The following CADM1 variants were observed in gnomAD, a reference collection of about 807,000 sequenced individuals.
The protein encoded by CADM1 is TSLC-1.
A neutral mutation model predicts 53.1 loss-of-function variants in CADM1; 15 were observed. The observed-to-expected ratio is 0.28, with a 90% CI of 0.19 to 0.44. CADM1 has a LOEUF of 0.44. CADM1 is among the 20% of genes least tolerant of loss of function. The pLI is 1.00. For missense variants in CADM1, 434 were observed against 611.3 expected (o/e 0.71, Z 3.06); for synonymous variants, 281 against 243.0 (o/e 1.16, Z -1.45).
chr11:115,254,636 T>G (rs1484058927), intron 1 of CADM1, among the ~76,000 whole-genome samples: 1 of 151,092 alleles, frequency 6.6e-6, no homozygotes. Flanking sequence ...GTTACTAATA[T>G]GCTATGGGTA....
At chr11:115,262,069 G>A (rs563602776) in intron 1 of CADM1, among the ~76,000 whole-genome samples, 70 of 151,852 alleles carry the variant, frequency 4.6e-4, no homozygotes, top group Non-Finnish European at 9.4e-4. Context: ...GTGAGCCACC[G>A]AAGATATTTT....
chr11:115,212,595 CCAGA>C (rs1365019682), intron 7 of CADM1, among the ~76,000 whole-genome samples: 3 of 152,048 alleles, frequency 2.0e-5, no homozygotes, highest in Non-Finnish European at 2.9e-5. Context: ...GCACTCTGGC[CCAGA>C]CAGTTAATTC....
chr11:115,444,185 A>T (rs1948394787), intron 1 of CADM1, among the ~76,000 whole-genome samples: 1 of 152,206 alleles, frequency 6.6e-6, no homozygotes, highest in African/African-American at 2.4e-5. Context: ...AGAAAAAAGG[A>T]ATTCATTTGG....
intron 11 of CADM1, among the ~76,000 whole-genome samples, chr11:115,176,800 G>A (rs888538346): frequency 2.0e-5 from 3 of 152,170 alleles, no homozygotes; most frequent in Non-Finnish European, 2.9e-5. Context: ...GAACCGCTGC[G>A]ATATAATTCA....
chr11:115,237,531 C>T (rs1446484164), intron 3 of CADM1, among the ~76,000 whole-genome samples: 6 of 152,158 alleles, frequency 3.9e-5, no homozygotes, highest in Non-Finnish European at 7.4e-5. Context: ...ACATACCAAG[C>T]AAAAATGTCC....
chr11:115,272,333 T>C (rs1943322307), intron 1 of CADM1, among the ~76,000 whole-genome samples: 1 of 152,162 alleles, frequency 6.6e-6, no homozygotes, highest in Non-Finnish European at 1.5e-5. Context: ...TCTTGATTTT[T>C]GAGCTAAGAT....
chr11:115,481,239 G>C (rs755752903), intron 1 of CADM1, among the ~76,000 whole-genome samples: 3 of 152,082 alleles, frequency 2.0e-5, no homozygotes, highest in Non-Finnish European at 4.4e-5. Flanking sequence ...ACTCACTGCT[G>C]CACTAAAATT....
At chr11:115,221,088 T>G (rs567454467) in intron 5 of CADM1, among the ~76,000 whole-genome samples, 1 of 152,302 alleles carries the variant, frequency 6.6e-6, no homozygotes, top group Admixed American at 6.5e-5. Context: ...TCGGTTGGTG[T>G]TGTAAGGCAT....
chr11:115,449,348 G>T (rs1363554195), intron 1 of CADM1, among the ~76,000 whole-genome samples: 1 of 152,184 alleles, frequency 6.6e-6, no homozygotes, highest in Non-Finnish European at 1.5e-5. Context: ...TAGCACAGAT[G>T]CTCTCTGCTC....
At chr11:115,490,618 T>G (rs1269514908) in intron 1 of CADM1, among the ~76,000 whole-genome samples, 1 of 152,108 alleles carries the variant, frequency 6.6e-6, no homozygotes, top group African/African-American at 2.4e-5. Flanking sequence ...CAGGCCGATC[T>G]CGAACTCCTG....
Position 115,302,611 on chromosome 11 carries a change from C to T in CADM1, c.125-62191G>A, listed in dbSNP as rs562953629. On this transcript the variant is annotated intron_variant, in intron 1 of 11. Transcript: ENST00000331581. ...TTTATTTTCTCATTCTAAATAAATG[C>T]TCATTTTCTTACCTAAAAAAAGAAA... 1.5e-4 allele frequency among the ~76,000 whole-genome samples: 23 copies of T among 152,018 alleles called. No homozygotes were observed. In the East Asian group the frequency reaches 4.3e-3, roughly 28 times the overall value.
chr11:115,260,865 G>A lies in CADM1; in HGVS notation c.125-20445C>T, dbSNP rs182939958. On this transcript the variant is annotated intron_variant, in intron 1 of 11. Coordinates refer to ENST00000331581, the MANE Select transcript of CADM1 (RefSeq NM_001301043.2). ...TTTTTTGTATTTTTTTAGTGGAGAC[G>A]GGGTTTCACCGTGTTAGCCAGGATG... is the stretch of plus-strand genomic sequence containing the variant. 4.9e-3 allele frequency among the ~76,000 whole-genome samples: 737 copies of A among 151,894 alleles called. 8 individuals are homozygous for A. The highest frequency in any genetic ancestry group is 0.017 in the African/African-American group (708 of 41,412).
chr11:115,466,814 A>T (rs971211909), intron 1 of CADM1, among the ~76,000 whole-genome samples: 13 of 152,332 alleles, frequency 8.5e-5, no homozygotes, highest in African/African-American at 3.1e-4. Flanking sequence ...ACCAAATATG[A>T]ATATGATTAT....
At chr11:115,182,008 A>C (rs1565282006) in intron 10 of CADM1, among the ~76,000 whole-genome samples, 2 of 152,200 alleles carry the variant, frequency 1.3e-5, no homozygotes, top group Non-Finnish European at 1.5e-5. Flanking sequence ...TCCATTCCCA[A>C]GGCAAGGACT....
At chr11:115,272,999 G>C (rs1055755382) in intron 1 of CADM1, among the ~76,000 whole-genome samples, 2 of 152,178 alleles carry the variant, frequency 1.3e-5, no homozygotes, top group African/African-American at 4.8e-5. Flanking sequence ...GCTGATCAGA[G>C]GCCGTCAATG....
chr11:115,187,560 G>A (rs1389579651), intron 10 of CADM1, among the ~76,000 whole-genome samples: 2 of 151,840 alleles, frequency 1.3e-5, no homozygotes, highest in Non-Finnish European at 2.9e-5. Context: ...CTGCTCCCCC[G>A]CCCCCAAGTA....
rs764669588 is a variant in CADM1, at chr11:115,176,501, G to A, written c.1389C>T (p.Ser463=). The part of the protein sequence containing the change: ...IINAEGGQNN[S]EEKKEYFI ...AGATGAAGTACTCTTTCTTTTCTTCGGAGTTGTTCTGTCCTCCTTCTGCAT... is the reference window on the plus strand; with the variant it reads ...AGATGAAGTACTCTTTCTTTTCTTCAGAGTTGTTCTGTCCTCCTTCTGCAT... Residue 463 remains serine, a synonymous_variant, in exon 12 of 12, where the codon TCC becomes TCT. Transcript: ENST00000331581. 14 of 1,613,784 alleles carry A rather than the reference G, an allele frequency of 8.7e-6. No homozygotes were observed. The highest frequency in any genetic ancestry group is 6.7e-5 in the Admixed American group (4 of 59,988).
At chr11:115,331,548 T>C (rs1945128183) in intron 1 of CADM1, among the ~76,000 whole-genome samples, 1 of 152,178 alleles carries the variant, frequency 6.6e-6, no homozygotes, top group South Asian at 2.1e-4. Context: ...ATCCAGTTGA[T>C]GACTCCTACT....
At chr11:115,497,591 C>A (rs919727570) in intron 1 of CADM1, among the ~76,000 whole-genome samples, 12 of 152,222 alleles carry the variant, frequency 7.9e-5, no homozygotes, top group Admixed American at 6.5e-4. Context: ...TTAACCACAA[C>A]AGCAGCTGCT....
Sources: allele counts gnomAD v4.1 joint callset (sites outside exome capture counted in the v4.1 genomes callset), GRCh38; gene constraint gnomAD v4.1.1; transcripts MANE v1.5; gene names NCBI Gene and HGNC (gene_info 2026-07-23, HGNC 2026-07-21).